DAPK2: variants seen among roughly 807,000 people sequenced by gnomAD.
DAPK2 encodes the protein death-associated protein kinase 2.
In DAPK2, 35 loss-of-function variants were observed where a neutral mutation model predicts 44.1. That is an observed-to-expected ratio of 0.79 (90% CI 0.61 to 1.05). The LOEUF is 1.05. Among genes scored for constraint, DAPK2 ranks in the 50% least tolerant of loss-of-function variants. The pLI is 0.00. For synonymous variants in DAPK2, 174 were observed against 182.6 expected, an observed-to-expected ratio of 0.95 and a Z score of 0.38; for missense variants, 453 against 483.2, an observed-to-expected ratio of 0.94 and a Z score of 0.59.
At position 63,971,570 on chromosome 15, in the gene DAPK2, C is replaced by T; in HGVS notation, c.315-9G>A. On this transcript the variant is annotated splice_polypyrimidine_tract_variant and intron_variant, in intron 2 of 10. Transcript: ENST00000261891. ...GCTCTCCTCCAGACACTCTGTAAAA[C>T]ACCAGCGGGGGGAGGGGAGGCCCAG... The T allele has an allele frequency of 6.2e-7, 1 of 1,613,772 alleles. No homozygotes were observed. The highest frequency in any genetic ancestry group is 2.2e-5 in the East Asian group (1 of 44,856).
intron 3 of DAPK2, among the ~76,000 whole-genome samples, chr15:63,956,879 A>T (rs2077739185): frequency 1.3e-5 from 2 of 152,154 alleles, no homozygotes; most frequent in African/African-American, 4.8e-5. Context: ...GAGCCACTGC[A>T]CCTGGCCAAA....
Position 64,007,153 on chromosome 15 carries a change from C to T in DAPK2, c.93-23399G>A, listed in dbSNP as rs116521860. On this transcript the variant is annotated intron_variant, in intron 1 of 10. Transcript: ENST00000261891. ...GAAAAAAAAATTTTTTTTTTAGAGA[C>T]GGGGTCTCACTATGTCATCCTGGCT... 3.9e-3 allele frequency among the ~76,000 whole-genome samples: 600 copies of T among 151,910 alleles called. 3 individuals are homozygous for T. The highest frequency in any genetic ancestry group is 0.013 in the African/African-American group (553 of 41,382).
At chr15:64,019,159 G>A (rs1453453862) in intron 1 of DAPK2, among the ~76,000 whole-genome samples, 1 of 152,166 alleles carries the variant, frequency 6.6e-6, no homozygotes, top group Non-Finnish European at 1.5e-5. Context: ...CCACCTTCAG[G>A]TCACAAGCAA....
chr15:64,016,838 GGGAA>G (rs56666247), intron 1 of DAPK2, among the ~76,000 whole-genome samples: 11,974 of 117,634 alleles, frequency 0.1, 693 homozygotes, highest in African/African-American at 0.14. Context: ...GAAGGAAGGA[GGGAA>G]GGAAGGAAGG....
chr15:63,959,475 G>A (rs1330257348), intron 3 of DAPK2, among the ~76,000 whole-genome samples: 7 of 152,160 alleles, frequency 4.6e-5, no homozygotes, highest in Admixed American at 4.6e-4. Flanking sequence ...CATTCATTAC[G>A]ATATTGACTG....
chr15:63,998,953 C>A (rs1009556050), intron 1 of DAPK2, among the ~76,000 whole-genome samples: 1 of 152,224 alleles, frequency 6.6e-6, no homozygotes, highest in African/African-American at 2.4e-5. Context: ...CCTCGCAAAT[C>A]TTCTCTTTCC....
chr15:63,943,614 T>G (rs886329863), intron 3 of DAPK2, among the ~76,000 whole-genome samples: 19 of 152,180 alleles, frequency 1.2e-4, no homozygotes, highest in Non-Finnish European at 2.6e-4. Flanking sequence ...GGCTCATGCC[T>G]GTATTCCCAG....
At chr15:63,919,195 T>C (rs1172143572) in intron 8 of DAPK2, 2 of 152,110 alleles carry the variant, frequency 1.3e-5, no homozygotes, top group Non-Finnish European at 2.9e-5. Flanking sequence ...ATTTCTCAAC[T>C]CTCTTTCATT....
At chr15:63,986,044 C>T (rs2078659517) in intron 1 of DAPK2, among the ~76,000 whole-genome samples, 1 of 152,236 alleles carries the variant, frequency 6.6e-6, no homozygotes, top group Non-Finnish European at 1.5e-5. Flanking sequence ...CTCGTCTCAC[C>T]TGTCTTCACT....
intron 1 of DAPK2, among the ~76,000 whole-genome samples, chr15:64,004,063 T>A (rs1209132631): frequency 1.3e-5 from 2 of 151,962 alleles, no homozygotes; most frequent in African/African-American, 4.9e-5. Context: ...CTCTTAAGCC[T>A]CTTTTAATCT....
intron 1 of DAPK2, among the ~76,000 whole-genome samples, chr15:64,026,266 C>G (rs1490841025): frequency 6.6e-6 from 1 of 151,802 alleles, no homozygotes; most frequent in Non-Finnish European, 1.5e-5. Context: ...TTTTTTAAGG[C>G]AGTCTCTCAT....
chr15:63,950,571 A>T (rs12916806), intron 3 of DAPK2, among the ~76,000 whole-genome samples: 4 of 151,826 alleles, frequency 2.6e-5, no homozygotes, highest in African/African-American at 9.7e-5. Context: ...AAAGAAAAAA[A>T]CACTGTTTTA....
intron 1 of DAPK2, among the ~76,000 whole-genome samples, chr15:63,992,770 T>C (rs750531192): frequency 2.6e-5 from 4 of 152,160 alleles, no homozygotes; most frequent in African/African-American, 9.7e-5. Context: ...TCGGGCTCAG[T>C]TGGGTCAGGC....
intron 3 of DAPK2, among the ~76,000 whole-genome samples, chr15:63,949,792 T>C (rs2077540795): frequency 6.6e-6 from 1 of 152,224 alleles, no homozygotes. Flanking sequence ...TCTGTGATCT[T>C]GGCAAGTCAC....
intron 1 of DAPK2, among the ~76,000 whole-genome samples, chr15:63,985,728 G>A (rs117494993): frequency 0.027 from 4,137 of 152,346 alleles, 86 homozygotes; most frequent in South Asian, 0.097. Flanking sequence ...CTTAGGACTT[G>A]TGAAACGGCA....
upstream of DAPK2, among the ~76,000 whole-genome samples, chr15:64,041,632 A>C (rs924034612): frequency 7.2e-5 from 11 of 152,192 alleles, no homozygotes; most frequent in Non-Finnish European, 1.6e-4. Flanking sequence ...TTTTCTGCTG[A>C]CTGCCAATCA....
chr15:63,959,251 T>G (rs948501276), intron 3 of DAPK2, among the ~76,000 whole-genome samples: 1 of 152,238 alleles, frequency 6.6e-6, no homozygotes, highest in Non-Finnish European at 1.5e-5. Context: ...AAGGAGATTT[T>G]GGGCTGAGAT....
intron 2 of DAPK2, among the ~76,000 whole-genome samples, chr15:63,979,648 C>T (rs2078447824): frequency 6.6e-6 from 1 of 152,158 alleles, no homozygotes; most frequent in Non-Finnish European, 1.5e-5. Flanking sequence ...TGCGGTGGCT[C>T]ATGCCTGTAA....
chr15:63,993,338 C>G (rs1424217299), intron 1 of DAPK2, among the ~76,000 whole-genome samples: 1 of 152,134 alleles, frequency 6.6e-6, no homozygotes, highest in Non-Finnish European at 1.5e-5. Context: ...ATAGAAAGGT[C>G]TTTTTACTTT....
Sources: gnomAD v4.1 joint callset for allele counts (sites outside exome capture counted in the v4.1 genomes callset) on GRCh38, gnomAD v4.1.1 for gene constraint, MANE v1.5 for transcripts, NCBI Gene and HGNC (gene_info 2026-07-23, HGNC 2026-07-21) for gene names.